EIF4G3: variants seen among roughly 807,000 people sequenced by gnomAD.
EIF4G3 encodes the protein eukaryotic translation initiation factor 4 gamma 3.
In EIF4G3, 34 loss-of-function variants were observed where a neutral mutation model predicts 186.4. The ratio of observed to expected loss-of-function variants is 0.18; its 90% confidence interval spans 0.14 to 0.24. EIF4G3 has a LOEUF of 0.24. EIF4G3 is among the 10% of genes least tolerant of loss of function. The probability of loss-of-function intolerance (pLI) is 1.00; values close to 1 mark genes in which losing one functional copy is unlikely to be tolerated. For missense variants in EIF4G3, 1,536 were observed against 1,948.5 expected (o/e 0.79, Z 3.99); for synonymous variants, 673 against 679.5 (o/e 0.99, Z 0.15).
chr1:20,967,443 C>G (rs555695309), intron 12 of EIF4G3, among the ~76,000 whole-genome samples: 1 of 152,336 alleles, frequency 6.6e-6, no homozygotes, highest in African/African-American at 2.4e-5. Flanking sequence ...ATCCCATGCT[C>G]ACTTCCAGGG....
intron 7 of EIF4G3, among the ~76,000 whole-genome samples, chr1:20,992,483 T>C (rs1032978659): frequency 1.3e-5 from 2 of 152,128 alleles, no homozygotes; most frequent in Admixed American, 6.5e-5. Context: ...GAGGAAAACA[T>C]GCACAATTTC....
At chr1:20,845,167 C>T (rs777631323) in intron 29 of EIF4G3, among the ~76,000 whole-genome samples, 16 of 152,182 alleles carry the variant, frequency 1.1e-4, no homozygotes, top group Non-Finnish European at 2.1e-4. Flanking sequence ...TTTCAATTTT[C>T]CGCTTATGAC....
chr1:21,145,660 G>A (rs1442176433), intron 2 of EIF4G3, among the ~76,000 whole-genome samples: 1 of 152,006 alleles, frequency 6.6e-6, no homozygotes, highest in African/African-American at 2.4e-5. Context: ...ATATTCAAGT[G>A]TGAATGGTAA....
At chr1:21,035,650 G>C (rs1416972365) in intron 4 of EIF4G3, among the ~76,000 whole-genome samples, 1 of 152,258 alleles carries the variant, frequency 6.6e-6, no homozygotes, top group Non-Finnish European at 1.5e-5. Context: ...AAGACCACAG[G>C]AGAGTGGCCA....
chr1:20,883,101 C>T (rs1311979681), intron 19 of EIF4G3, among the ~76,000 whole-genome samples: 1 of 151,390 alleles, frequency 6.6e-6, no homozygotes, highest in Non-Finnish European at 1.5e-5. Context: ...AAAAACATTT[C>T]GCTATAACTA....
At chr1:20,994,216 T>C (rs1024050588) in intron 7 of EIF4G3, among the ~76,000 whole-genome samples, 2 of 152,154 alleles carry the variant, frequency 1.3e-5, no homozygotes, top group Non-Finnish European at 1.5e-5. Context: ...ACCTATCCCA[T>C]AGTGAAACAA....
At chr1:20,881,804 G>GAAAATAAAAT (rs529082279) in intron 19 of EIF4G3, among the ~76,000 whole-genome samples, 6 of 150,158 alleles carry the variant, frequency 4.0e-5, no homozygotes, top group Non-Finnish European at 7.4e-5. Context: ...TAATAATAAT[G>GAAAATAAAAT]AAAATAAAAT....
At chr1:20,867,945 A>C (rs1386487752) in intron 20 of EIF4G3, among the ~76,000 whole-genome samples, 1 of 152,204 alleles carries the variant, frequency 6.6e-6, no homozygotes, top group South Asian at 2.1e-4. Context: ...CTCTGAATGA[A>C]TGAATACCTA....
chr1:21,170,680 A>C (rs1340021176), intron 2 of EIF4G3, among the ~76,000 whole-genome samples: 1 of 151,912 alleles, frequency 6.6e-6, no homozygotes, highest in African/African-American at 2.4e-5. Flanking sequence ...AAAAAGTACA[A>C]AACAATTATT....
rs71014156 is a variant in EIF4G3, at chr1:21,117,736, T to TAAAAAAAAA, written c.-271-28532_-271-28524dup. Among the ~76,000 whole-genome samples the TAAAAAAAAA allele has an allele frequency of 2.6e-3, 193 of 73,080 alleles. 1 individual carries two copies. Among genetic ancestry groups the TAAAAAAAAA allele is most frequent in the South Asian group, 5.9e-3 (11 of 1,866 alleles). The allele number at this position is 73,080 out of a possible 152,430, so 47.9% of individuals were successfully genotyped here. Reference sequence around the variant, plus strand: ...GGCCTTTCACTGTCCCAGTATATAGTAAAAAAAAAAAAAAAAAAAAAAAAA... The same window carrying TAAAAAAAAA: ...GGCCTTTCACTGTCCCAGTATATAGTAAAAAAAAAAAAAAAAAAAAAAAAAAAAAAAAAA... On this transcript the variant is annotated intron_variant, in intron 2 of 36. Transcript: ENST00000602326.
chr1:20,991,027 G>A (rs956933007), intron 7 of EIF4G3, among the ~76,000 whole-genome samples: 3 of 152,138 alleles, frequency 2.0e-5, no homozygotes, highest in Admixed American at 6.5e-5. Context: ...TGATTTGCTG[G>A]CAAGTTAGAA....
At chr1:21,101,191 T>A (rs563619787) in intron 2 of EIF4G3, among the ~76,000 whole-genome samples, 1 of 152,040 alleles carries the variant, frequency 6.6e-6, no homozygotes, top group East Asian at 2.0e-4. Context: ...ATGAAAAACA[T>A]CCTCCCAAAG....
intron 2 of EIF4G3, among the ~76,000 whole-genome samples, chr1:21,152,937 T>C (rs2097575771): frequency 6.6e-6 from 1 of 152,214 alleles, no homozygotes; most frequent in Non-Finnish European, 1.5e-5. Flanking sequence ...CAGTGAGCTG[T>C]GACTGTATCT....
intron 2 of EIF4G3, among the ~76,000 whole-genome samples, chr1:21,101,578 A>G (rs71647187): frequency 7.5e-6 from 1 of 132,482 alleles, no homozygotes; most frequent in African/African-American, 2.7e-5. Context: ...AAAAAAAACA[A>G]CAAAAAAAAA....
At chr1:21,133,036 G>A (rs775190774) in intron 2 of EIF4G3, among the ~76,000 whole-genome samples, 31 of 152,056 alleles carry the variant, frequency 2.0e-4, no homozygotes, top group East Asian at 3.9e-4. Flanking sequence ...CACCCACCTC[G>A]GCCTCCCCAA....
chr1:21,118,710 TGG>T (rs1461130973), intron 2 of EIF4G3, among the ~76,000 whole-genome samples: 2 of 149,782 alleles, frequency 1.3e-5, no homozygotes, highest in African/African-American at 4.9e-5. Context: ...CACTTGCACT[TGG>T]GAGACAGCGG....
At chr1:21,001,170 C>A (rs1356807353) in intron 6 of EIF4G3, 29 bp downstream of exon 6, 2 of 471,342 alleles carry the variant, frequency 4.2e-6, no homozygotes, top group East Asian at 6.9e-5. Flanking sequence ...CCACTGCCTG[C>A]AAGAAGTACA....
rs61144464 is a variant in EIF4G3 at position 20,959,655 on chromosome 1, CAATAATAATAAT to C, written c.715-9556_715-9545del. ...TCTACAAGGAACTCAAACAAATCAGCAATAATAATAATAATAATAATAATAATAATAATAATA... is the reference window on the plus strand; with the variant it reads ...TCTACAAGGAACTCAAACAAATCAGCAATAATAATAATAATAATAATAATA... On this transcript the variant is annotated intron_variant, in intron 12 of 36. Coordinates refer to ENST00000602326, the MANE Select transcript of EIF4G3 (RefSeq NM_001391906.1). 2.8e-3 allele frequency among the ~76,000 whole-genome samples: 397 copies of C among 142,516 alleles called. 1 individual carries two copies. Among genetic ancestry groups the C allele is most frequent in the African/African-American group, 6.3e-3 (246 of 39,016 alleles). The allele number at this position is 142,516 out of a possible 152,430, so 93.5% of individuals were successfully genotyped here. A position where few individuals can be genotyped will look rare whatever the true frequency, so the allele number is the denominator to read the frequency against.
chr1:21,036,114 G>A (rs1282951991), intron 4 of EIF4G3, among the ~76,000 whole-genome samples: 3 of 151,160 alleles, frequency 2.0e-5, no homozygotes, highest in Admixed American at 6.6e-5. Flanking sequence ...ACATCAGGAC[G>A]ACCAAAGGCA....
Sources: allele counts gnomAD v4.1 joint callset (sites outside exome capture counted in the v4.1 genomes callset), GRCh38; gene constraint gnomAD v4.1.1; transcripts MANE v1.5; gene names NCBI Gene and HGNC (gene_info 2026-07-23, HGNC 2026-07-21).